C12orf42: variants seen among roughly 807,000 people sequenced by gnomAD.
C12orf42 encodes uncharacterized protein C12orf42.
A neutral mutation model predicts 21.6 loss-of-function variants in C12orf42; 25 were observed. That is an observed-to-expected ratio of 1.16 (90% CI 0.84 to 1.62). C12orf42 has a LOEUF of 1.62. Among genes scored for constraint, C12orf42 ranks in the 40% most tolerant of loss-of-function variants. The probability of loss-of-function intolerance (pLI) is 0.00; values close to 1 mark genes in which losing one functional copy is unlikely to be tolerated. For missense variants in C12orf42, 483 were observed against 459.3 expected, an observed-to-expected ratio of 1.05 and a Z score of -0.47; for synonymous variants, 174 against 175.0, an observed-to-expected ratio of 0.99 and a Z score of 0.05.
the C12orf42 span, among the ~76,000 whole-genome samples, chr12:103,143,639 A>G: frequency 6.6e-6 from 1 of 152,226 alleles, no homozygotes; most frequent in African/African-American, 2.4e-5. Flanking sequence ...GTCACCTCTC[A>G]TTTTAAGAGT....
At chr12:103,110,891 C>T in the C12orf42 span, among the ~76,000 whole-genome samples, 1 of 152,156 alleles carries the variant, frequency 6.6e-6, no homozygotes, top group South Asian at 2.1e-4. Context: ...TAAATATGCA[C>T]ATAGATTTTT....
the C12orf42 span, among the ~76,000 whole-genome samples, chr12:103,227,362 G>T: frequency 1.3e-5 from 2 of 151,882 alleles, no homozygotes; most frequent in African/African-American, 2.4e-5. Flanking sequence ...AGAGGTCGGG[G>T]TGAGGAAATA....
chr12:103,340,640 G>A (rs1056333925), intron 4 of C12orf42, among the ~76,000 whole-genome samples: 1 of 151,920 alleles, frequency 6.6e-6, no homozygotes, highest in African/African-American at 2.4e-5. Context: ...AGGCAAAGGA[G>A]CAAAGACATT....
chr12:103,137,410 G>T, the C12orf42 span, among the ~76,000 whole-genome samples: 3 of 149,716 alleles, frequency 2.0e-5, no homozygotes, highest in Non-Finnish European at 4.4e-5. Context: ...GGAACTCAGA[G>T]TGTTGATGGG....
intron 4 of C12orf42, among the ~76,000 whole-genome samples, chr12:103,322,123 G>GCA (rs1298226723): frequency 1.1e-4 from 13 of 119,216 alleles, no homozygotes; most frequent in African/African-American, 3.2e-4. Flanking sequence ...GCGCGCGCGC[G>GCA]CGCACACACA....
At chr12:103,355,965 TCA>T (rs553991782) in intron 4 of C12orf42, among the ~76,000 whole-genome samples, 226 of 152,204 alleles carry the variant, frequency 1.5e-3, no homozygotes, top group African/African-American at 5.2e-3. Context: ...CATTCATCTC[TCA>T]CAATAAATCC....
chr12:103,459,166 T>C (rs541004396), intron 2 of C12orf42, among the ~76,000 whole-genome samples: 1 of 152,312 alleles, frequency 6.6e-6, no homozygotes, highest in African/African-American at 2.4e-5. Context: ...GAAGGGCTCA[T>C]CTCAGTCTCT....
At chr12:103,540,901 T>G in the C12orf42 span, among the ~76,000 whole-genome samples, 1 of 152,202 alleles carries the variant, frequency 6.6e-6, no homozygotes, top group African/African-American at 2.4e-5. Flanking sequence ...TTTTCTTTCT[T>G]TCTTTCTTTC....
At chr12:103,088,594 C>T in the C12orf42 span, among the ~76,000 whole-genome samples, 1 of 152,218 alleles carries the variant, frequency 6.6e-6, no homozygotes, top group African/African-American at 2.4e-5. Context: ...GTTTTCTCCT[C>T]CTGGGATTCA....
chr12:103,197,614 C>T, the C12orf42 span, among the ~76,000 whole-genome samples: 2 of 152,170 alleles, frequency 1.3e-5, no homozygotes, highest in South Asian at 2.1e-4. Context: ...CTAGTATGGT[C>T]ACTTGGAGGC....
At chr12:103,131,572 T>A in the C12orf42 span, among the ~76,000 whole-genome samples, 2 of 152,250 alleles carry the variant, frequency 1.3e-5, no homozygotes, top group African/African-American at 4.8e-5. Flanking sequence ...TCCAAGATTC[T>A]TTGAATTATC....
chr12:103,510,539 T>A, the C12orf42 span, among the ~76,000 whole-genome samples: 1 of 151,800 alleles, frequency 6.6e-6, no homozygotes, highest in South Asian at 2.1e-4. Flanking sequence ...GTAAAAAAAA[T>A]AAAGAAGATG....
chr12:103,476,748 C>T (rs1592973992), intron 2 of C12orf42, among the ~76,000 whole-genome samples: 1 of 152,268 alleles, frequency 6.6e-6, no homozygotes, highest in East Asian at 1.9e-4. Context: ...TCCATAAATG[C>T]TAGCAAAGAT....
chr12:103,227,798 C>T, the C12orf42 span, among the ~76,000 whole-genome samples: 17 of 152,082 alleles, frequency 1.1e-4, no homozygotes, highest in African/African-American at 2.7e-4. Context: ...TGACCGGCGC[C>T]GGAGTTTTGG....
At chr12:103,139,252 A>G in the C12orf42 span, among the ~76,000 whole-genome samples, 48,853 of 152,046 alleles carry the variant, frequency 0.32, 8,292 homozygotes, top group East Asian at 0.48. Flanking sequence ...TTATAATAAT[A>G]ATTATTGTTA....
chr12:103,265,769 T>G (rs1157653633), downstream of C12orf42, among the ~76,000 whole-genome samples: 2 of 151,730 alleles, frequency 1.3e-5, no homozygotes, highest in Non-Finnish European at 2.9e-5. Flanking sequence ...TCAGACACAC[T>G]GCTCATGATT....
intron 4 of C12orf42, among the ~76,000 whole-genome samples, chr12:103,283,418 A>G (rs1350447948): frequency 6.6e-6 from 1 of 152,144 alleles, no homozygotes; most frequent in Non-Finnish European, 1.5e-5. Flanking sequence ...CACTGCTTAA[A>G]ACCTTTTAGT....
rs140012575 is a variant in C12orf42 at position 103,346,737 on chromosome 12, G to A, written c.259+22150C>T. On this transcript the variant is annotated intron_variant, in intron 4 of 5. Coordinates refer to ENST00000548883, the MANE Select transcript of C12orf42 (RefSeq NM_198521.5). ...GAGTGACATGGTTGCACTACAATAC[G>A]CCATCTGTATCCAGATTCTCATGTG... is the stretch of plus-strand genomic sequence containing the variant. Among the ~76,000 whole-genome samples the A allele has an allele frequency of 3.3e-3, 509 of 152,230 alleles. 3 individuals carry two copies. Among genetic ancestry groups the A allele is most frequent in the Middle Eastern group, 6.8e-3 (2 of 294 alleles).
chr12:103,442,036 C>T (rs956216514), intron 2 of C12orf42, among the ~76,000 whole-genome samples: 2 of 152,010 alleles, frequency 1.3e-5, no homozygotes, highest in African/African-American at 4.8e-5. Flanking sequence ...CCCAGCTACT[C>T]AGGAGGCTGA....
Sources: gnomAD v4.1 joint callset for allele counts (sites outside exome capture counted in the v4.1 genomes callset) on GRCh38, gnomAD v4.1.1 for gene constraint, MANE v1.5 for transcripts, NCBI Gene and HGNC (gene_info 2026-07-23, HGNC 2026-07-21) for gene names.